Variants in NME5 observed in about 807,000 individuals in gnomAD.
NME5 encodes NME/NM23 family member 5, also known as nucleoside diphosphate kinase 5.
In NME5, 18 loss-of-function variants were observed where a neutral mutation model predicts 21.6. The ratio of observed to expected loss-of-function variants is 0.83; its 90% confidence interval spans 0.58 to 1.24. The LOEUF is 1.24. Among genes scored for constraint, NME5 ranks in the 50% most tolerant of loss-of-function variants. NME5 has a pLI of 0.00. For missense variants in NME5, 223 were observed against 255.4 expected (o/e 0.87, Z 0.86); for synonymous variants, 70 against 80.6 (o/e 0.87, Z 0.71).
intron 4 of NME5, among the ~76,000 whole-genome samples, chr5:138,121,431 A>G (rs1468865992): frequency 1.3e-5 from 2 of 152,036 alleles, no homozygotes; most frequent in Non-Finnish European, 2.9e-5. Flanking sequence ...AAAAAAGGAA[A>G]CCAAAATAGA....
chr5:138,120,184 C>A (rs1246196276), intron 4 of NME5, among the ~76,000 whole-genome samples: 2 of 151,342 alleles, frequency 1.3e-5, no homozygotes, highest in African/African-American at 4.9e-5. Flanking sequence ...CCCACCTCAG[C>A]CTCCTGAATA....
intron 2 of NME5, among the ~76,000 whole-genome samples, chr5:138,129,808 A>C (rs931563473): frequency 6.6e-6 from 1 of 152,152 alleles, no homozygotes; most frequent in African/African-American, 2.4e-5. Context: ...AATTCAAAAA[A>C]TTAGCCGGGC....
Position 138,129,283 on chromosome 5 carries a change from C to T in NME5, c.315G>A (p.Ala105=), listed in dbSNP as rs761341505. 1.9e-5 allele frequency: 31 copies of T among 1,612,988 alleles called. No individual in the cohort carries two copies. In the African/African-American group the frequency reaches 3.1e-4, roughly 16 times the overall value. Residue 105 remains alanine, a synonymous_variant, in exon 3 of 6, where the codon GCG becomes GCA. Coordinates refer to ENST00000265191, the MANE Select transcript of NME5 (RefSeq NM_003551.3). ...ELLGPNNSLV[A]KETHPDSLRA... is the part of the protein sequence containing the mutation. ...ATTACCTGTCTGGATGTGTCTCCTT[C>T]GCTACTAAGCTATTATTTGGTCCCA...
Position 138,122,772 on chromosome 5 carries a change from G to C in NME5, c.437-3836C>G, listed in dbSNP as rs567527818. ...GGTTCACTGCAACCTCTGCCTCCTG[G>C]GTTCAAGCAATTCTCCTGCCTCAGC... On this transcript the variant is annotated intron_variant, in intron 4 of 5. Transcript: ENST00000265191. Among the ~76,000 whole-genome samples the C allele has an allele frequency of 4.6e-5, 7 of 151,590 alleles. No individual in the cohort carries two copies. The East Asian group carries it at 1.4e-3, about 29-fold the overall frequency.
chr5:138,124,948 G>C (rs1224988411), intron 4 of NME5, among the ~76,000 whole-genome samples: 1 of 152,172 alleles, frequency 6.6e-6, no homozygotes, highest in African/African-American at 2.4e-5. Flanking sequence ...GTTTGAGACA[G>C]GGTCTCACTC....
chr5:138,127,514 A>T, intron 4 of NME5: 2 of 979,678 alleles, frequency 2.0e-6, no homozygotes, highest in Non-Finnish European at 2.4e-6. Context: ...TAAATGACTT[A>T]GGGAAAAATA....
At chr5:138,126,476 A>G (rs1046669170) in intron 4 of NME5, among the ~76,000 whole-genome samples, 3 of 126,674 alleles carry the variant, frequency 2.4e-5, no homozygotes, top group Non-Finnish European at 4.7e-5. Flanking sequence ...GTGCCACTGC[A>G]CTCTAGCCTG....
intron 4 of NME5, among the ~76,000 whole-genome samples, chr5:138,122,457 A>G (rs1016925518): frequency 6.7e-6 from 1 of 149,660 alleles, no homozygotes; most frequent in Non-Finnish European, 1.5e-5. Flanking sequence ...AAAAAAAAAA[A>G]AAAAAAAAAA....
At chr5:138,139,287 A>G (rs957792199) in intron 1 of NME5, 84 bp downstream of exon 1, 23 of 846,608 alleles carry the variant, frequency 2.7e-5, no homozygotes, top group Non-Finnish European at 2.8e-5. Context: ...GGTCAGGCTA[A>G]TTGAAAAGCA....
intron 4 of NME5, among the ~76,000 whole-genome samples, chr5:138,121,343 G>A (rs2151159601): frequency 6.6e-6 from 1 of 152,122 alleles, no homozygotes; most frequent in South Asian, 2.1e-4. Context: ...GTGGGAGAAT[G>A]CTTGAGCCCA....
intron 1 of NME5, chr5:138,139,140 G>A (rs1751806045): frequency 5.8e-6 from 1 of 172,560 alleles, no homozygotes; most frequent in Non-Finnish European, 1.2e-5. Context: ...GCTCGAGGGG[G>A]CGGTAGAGCG....
chr5:138,116,623 T>A (rs987831114), intron 5 of NME5: 3 of 152,238 alleles, frequency 2.0e-5, no homozygotes, highest in African/African-American at 7.2e-5. Context: ...ACAGAGAGAT[T>A]ATTAGCATGG....
intron 5 of NME5, among the ~76,000 whole-genome samples, chr5:138,118,434 G>GT (rs1167106197): frequency 2.0e-5 from 3 of 150,680 alleles, no homozygotes; most frequent in Non-Finnish European, 4.4e-5. Context: ...TATATTCGCA[G>GT]TATTTCAAAG....
chr5:138,135,661 A>T (rs996691360), intron 2 of NME5, among the ~76,000 whole-genome samples: 1 of 152,106 alleles, frequency 6.6e-6, no homozygotes, highest in African/African-American at 2.4e-5. Flanking sequence ...AAAAACTTAA[A>T]TGGGACGCCT....
At chr5:138,136,710 T>C (rs1751705893) in intron 2 of NME5, among the ~76,000 whole-genome samples, 1 of 152,130 alleles carries the variant, frequency 6.6e-6, no homozygotes, top group Non-Finnish European at 1.5e-5. Context: ...TGGCACGATC[T>C]CGGCTCACGG....
Sources: allele counts gnomAD v4.1 joint callset (sites outside exome capture counted in the v4.1 genomes callset), GRCh38; gene constraint gnomAD v4.1.1; transcripts MANE v1.5; gene names NCBI Gene and HGNC (gene_info 2026-07-23, HGNC 2026-07-21).